Variants in TSPAN2 observed in about 807,000 individuals in gnomAD.
TSPAN2 encodes the protein tetraspanin 2.
TSPAN2 carries 24 observed loss-of-function variants against 33.3 expected under a neutral mutation model. That is an observed-to-expected ratio of 0.72 (90% CI 0.52 to 1.01). TSPAN2 has a LOEUF of 1.01. Ranked by LOEUF, TSPAN2 falls within the 50% of genes least tolerant of loss-of-function variation. The pLI is 0.00. For synonymous variants in TSPAN2, 114 were observed against 104.5 expected (o/e 1.09, Z -0.56); for missense variants, 278 against 281.3 (o/e 0.99, Z 0.08).
intron 2 of TSPAN2, among the ~76,000 whole-genome samples, chr1:115,063,985 T>TA (rs1647838696): frequency 6.6e-6 from 1 of 152,042 alleles, no homozygotes; most frequent in African/African-American, 2.4e-5. Flanking sequence ...ACCCCCAATC[T>TA]CGGCATCACT....
chr1:115,068,513 CTT>C (rs1648037143), intron 2 of TSPAN2, among the ~76,000 whole-genome samples: 1 of 152,180 alleles, frequency 6.6e-6, no homozygotes, highest in African/African-American at 2.4e-5. Context: ...TTAGGACACT[CTT>C]TAACAAAGGG....
chr1:115,056,513 C>T (rs532257340), intron 6 of TSPAN2, among the ~76,000 whole-genome samples: 8 of 152,318 alleles, frequency 5.3e-5, no homozygotes, highest in South Asian at 4.1e-4. Context: ...TTGTTGCTTA[C>T]GCTGGTCTCT....
intron 2 of TSPAN2, among the ~76,000 whole-genome samples, chr1:115,063,886 T>C (rs1647834554): frequency 6.6e-6 from 1 of 152,132 alleles, no homozygotes; most frequent in Non-Finnish European, 1.5e-5. Flanking sequence ...ATGGGAATGA[T>C]AGATACTGGG....
chr1:115,070,511 A>G (rs1206253575), intron 2 of TSPAN2, among the ~76,000 whole-genome samples: 2 of 150,986 alleles, frequency 1.3e-5, no homozygotes, highest in East Asian at 3.9e-4. Flanking sequence ...TAACCCTGAC[A>G]TTCAAAGGCC....
At chr1:115,086,105 C>A (rs946166408) in intron 1 of TSPAN2, among the ~76,000 whole-genome samples, 1 of 152,112 alleles carries the variant, frequency 6.6e-6, no homozygotes, top group Non-Finnish European at 1.5e-5. Context: ...AGAGAGCTAA[C>A]ATTTATTGAA....
chr1:115,084,480 C>T (rs1472788817), intron 1 of TSPAN2, among the ~76,000 whole-genome samples: 1 of 152,118 alleles, frequency 6.6e-6, no homozygotes, highest in Non-Finnish European at 1.5e-5. Flanking sequence ...ACCCTGGCAC[C>T]ATAGCTGTGG....
intron 1 of TSPAN2, among the ~76,000 whole-genome samples, chr1:115,074,788 C>CTTTA (rs982867232): frequency 6.6e-6 from 1 of 152,122 alleles, no homozygotes; most frequent in African/African-American, 2.4e-5. Context: ...TTGGGCCATG[C>CTTTA]TTTAACTTGG....
intron 4 of TSPAN2, among the ~76,000 whole-genome samples, chr1:115,059,232 CT>C (rs1266739511): frequency 6.6e-6 from 1 of 151,962 alleles, no homozygotes; most frequent in Non-Finnish European, 1.5e-5. Flanking sequence ...CACTAGAGAA[CT>C]TACTCATGTA....
intron 2 of TSPAN2, among the ~76,000 whole-genome samples, chr1:115,063,701 T>C (rs1454819777): frequency 1.3e-5 from 2 of 152,166 alleles, no homozygotes; most frequent in Non-Finnish European, 2.9e-5. Context: ...GTGGTACATA[T>C]ACACCATGGA....
At chr1:115,080,193 A>G (rs1237018377) in intron 1 of TSPAN2, among the ~76,000 whole-genome samples, 2 of 152,200 alleles carry the variant, frequency 1.3e-5, no homozygotes, top group African/African-American at 4.8e-5. Context: ...GTGATTATAC[A>G]TAATGTCTTT....
chr1:115,073,184 A>C (rs1021374047), intron 1 of TSPAN2, among the ~76,000 whole-genome samples, 177 bp from the exon 2 acceptor site: 1 of 152,166 alleles, frequency 6.6e-6, no homozygotes, highest in Non-Finnish European at 1.5e-5. Context: ...ATGTGCACGA[A>C]GCCCCTCAGG....
At chr1:115,074,817 G>A (rs1648339765) in intron 1 of TSPAN2, among the ~76,000 whole-genome samples, 1 of 152,154 alleles carries the variant, frequency 6.6e-6, no homozygotes, top group South Asian at 2.1e-4. Flanking sequence ...CAGCTTTGAG[G>A]TCCTTGCTGT....
chr1:115,079,872 A>G (rs1648559326), intron 1 of TSPAN2, among the ~76,000 whole-genome samples: 1 of 152,234 alleles, frequency 6.6e-6, no homozygotes. Flanking sequence ...AGTATATTTT[A>G]TAATTGACCA....
intron 1 of TSPAN2, among the ~76,000 whole-genome samples, chr1:115,088,871 G>A (rs1648943759): frequency 1.3e-5 from 2 of 152,116 alleles, no homozygotes; most frequent in African/African-American, 4.8e-5. Flanking sequence ...AACCATCACA[G>A]CCAGGTACAG....
chr1:115,072,003 A>G (rs1390484680), intron 2 of TSPAN2, among the ~76,000 whole-genome samples: 1 of 152,086 alleles, frequency 6.6e-6, no homozygotes, highest in Non-Finnish European at 1.5e-5. Context: ...ACTGAAGCTT[A>G]CTCTATGGCT....
At chr1:115,068,325 T>C (rs139670600) in intron 2 of TSPAN2, among the ~76,000 whole-genome samples, 136 of 152,304 alleles carry the variant, frequency 8.9e-4, no homozygotes, top group Admixed American at 2.5e-3. Context: ...GAACCAAGGA[T>C]GCCAGAAAGG....
intron 2 of TSPAN2, among the ~76,000 whole-genome samples, chr1:115,070,370 T>A (rs1359162253): frequency 8.1e-6 from 1 of 123,650 alleles, no homozygotes; most frequent in Non-Finnish European, 1.7e-5. Context: ...ATATCAATAA[T>A]CTGCTTTTTT....
chr1:115,068,981 C>T lies in TSPAN2; in HGVS notation c.172+3924G>A, dbSNP rs537836280. 3.9e-5 allele frequency among the ~76,000 whole-genome samples: 6 copies of T among 152,344 alleles called. No individual in the cohort carries two copies. The East Asian group carries it at 5.8e-4, about 15-fold the overall frequency. On this transcript the variant is annotated intron_variant, in intron 2 of 7. Transcript: ENST00000369516. ...ACCAGGAGGAGCTGGGAAGCCCTGG[C>T]TGACTGCCAGCCCCAGGTGTTTATC...
intron 3 of TSPAN2, 39 bp downstream of exon 3, chr1:115,062,096 T>TC: frequency 2.4e-5 from 35 of 1,464,366 alleles, no homozygotes; most frequent in Middle Eastern, 1.7e-4. Context: ...GGCCGCTCCC[T>TC]CACCCCCACC....
Sources: gnomAD v4.1 joint callset for allele counts (sites outside exome capture counted in the v4.1 genomes callset) on GRCh38, gnomAD v4.1.1 for gene constraint, MANE v1.5 for transcripts, NCBI Gene and HGNC (gene_info 2026-07-23, HGNC 2026-07-21) for gene names.